The following RNGTT variants were observed in gnomAD, a reference collection of about 807,000 sequenced individuals.
The protein encoded by RNGTT is RNA guanylyltransferase and 5'-phosphatase, also known as mRNA-capping enzyme.
RNGTT carries 33 observed loss-of-function variants against 79.3 expected under a neutral mutation model. The observed-to-expected ratio is 0.42, with a 90% CI of 0.32 to 0.56. The LOEUF is 0.56. Among genes scored for constraint, RNGTT ranks in the 20% least tolerant of loss-of-function variants. The pLI is 0.17. For synonymous variants in RNGTT, 222 were observed against 235.9 expected (o/e 0.94, Z 0.54); for missense variants, 497 against 739.1 (o/e 0.67, Z 3.80).
chr6:88,804,457 A>G (rs1234058253), intron 11 of RNGTT, among the ~76,000 whole-genome samples: 4 of 152,220 alleles, frequency 2.6e-5, no homozygotes, highest in African/African-American at 9.7e-5. Flanking sequence ...AACCTGGCCA[A>G]CACAGCAAGA....
At chr6:88,754,743 C>T (rs1315253032) in intron 13 of RNGTT, among the ~76,000 whole-genome samples, 3 of 152,174 alleles carry the variant, frequency 2.0e-5, no homozygotes, top group South Asian at 2.1e-4. Context: ...CACTTAAAGG[C>T]GTTCTTAAAC....
At chr6:88,909,733 G>A (rs1392022497) in intron 4 of RNGTT, among the ~76,000 whole-genome samples, 2 of 152,144 alleles carry the variant, frequency 1.3e-5, no homozygotes, top group Admixed American at 6.5e-5. Context: ...GGGAGCATGC[G>A]CAGCTGTGTA....
intron 13 of RNGTT, among the ~76,000 whole-genome samples, chr6:88,768,142 G>A (rs531115290): frequency 7.0e-6 from 1 of 142,370 alleles, no homozygotes; most frequent in African/African-American, 2.9e-5. Context: ...TAGGGATAGT[G>A]TGTGTGTGTG....
intron 13 of RNGTT, among the ~76,000 whole-genome samples, chr6:88,691,178 A>G (rs1775465709): frequency 6.6e-6 from 1 of 152,128 alleles, no homozygotes; most frequent in African/African-American, 2.4e-5. Context: ...CATAATAGTG[A>G]ATGAGTTCTC....
chr6:88,747,287 G>T (rs548600384), intron 13 of RNGTT, among the ~76,000 whole-genome samples: 1 of 152,204 alleles, frequency 6.6e-6, no homozygotes, highest in African/African-American at 2.4e-5. Flanking sequence ...ATCTCAAATG[G>T]CTGTGAACAA....
At chr6:88,696,703 C>T (rs1481562876) in intron 13 of RNGTT, among the ~76,000 whole-genome samples, 1 of 151,934 alleles carries the variant, frequency 6.6e-6, no homozygotes, top group Non-Finnish European at 1.5e-5. Flanking sequence ...TTGGGAAATT[C>T]TGAATCTTAC....
chr6:88,758,638 C>T (rs1778101985), intron 13 of RNGTT, among the ~76,000 whole-genome samples: 1 of 152,136 alleles, frequency 6.6e-6, no homozygotes, highest in South Asian at 2.1e-4. Flanking sequence ...AGTCAGAATG[C>T]TAGGTATAGT....
At chr6:88,926,867 G>A (rs1784335349) in intron 4 of RNGTT, among the ~76,000 whole-genome samples, 1 of 152,190 alleles carries the variant, frequency 6.6e-6, no homozygotes, top group Non-Finnish European at 1.5e-5. Flanking sequence ...ATATGTGATA[G>A]CCAATATTGT....
chr6:88,692,244 C>CAAGCCTATACACCCTAAAATATTT (rs1775508405), intron 13 of RNGTT, among the ~76,000 whole-genome samples: 2 of 152,108 alleles, frequency 1.3e-5, no homozygotes, highest in South Asian at 4.1e-4. Context: ...AAGAAGAATG[C>CAAGCCTATACACCCTAAAATATTT]AAGCCTATAC....
intron 2 of RNGTT, among the ~76,000 whole-genome samples, chr6:88,929,807 T>C (rs1784428753): frequency 6.6e-6 from 1 of 151,368 alleles, no homozygotes; most frequent in Non-Finnish European, 1.5e-5. Flanking sequence ...ATGATGTGTA[T>C]ATATATATAC....
chr6:88,869,099 G>A (rs1277375471), intron 8 of RNGTT, among the ~76,000 whole-genome samples: 1 of 152,164 alleles, frequency 6.6e-6, no homozygotes, highest in Non-Finnish European at 1.5e-5. Flanking sequence ...ACAACATGAT[G>A]ATGCTTGATT....
chr6:88,725,831 G>A (rs999673220), intron 13 of RNGTT, among the ~76,000 whole-genome samples: 1 of 152,170 alleles, frequency 6.6e-6, no homozygotes, highest in African/African-American at 2.4e-5. Context: ...AGGGGAAGGA[G>A]AGGGGAGAAC....
Position 88,622,597 on chromosome 6 carries a change from C to T in RNGTT, c.1507-8202G>A, listed in dbSNP as rs139424474. ...ACAAAATCTGGTTTTCCTCCTCTAT[C>T]CTTTGCTACTCCTTCTCAGGCTTCT... On this transcript the variant is annotated intron_variant, in intron 14 of 15. Transcript: ENST00000369485. 1.1e-3 allele frequency among the ~76,000 whole-genome samples: 161 copies of T among 152,232 alleles called. 1 individual carries two copies. Among genetic ancestry groups the T allele is most frequent in the African/African-American group, 3.5e-3 (145 of 41,562 alleles).
chr6:88,877,066 G>A (rs982421777), intron 8 of RNGTT, among the ~76,000 whole-genome samples: 5 of 152,166 alleles, frequency 3.3e-5, no homozygotes, highest in African/African-American at 1.2e-4. Flanking sequence ...TAACCAATGG[G>A]TATTTCAAAG....
intron 2 of RNGTT, among the ~76,000 whole-genome samples, chr6:88,934,316 A>G (rs950496755): frequency 7.9e-5 from 12 of 152,142 alleles, no homozygotes; most frequent in African/African-American, 2.9e-4. Flanking sequence ...GATTACAGAC[A>G]TGAGCCACTG....
chr6:88,845,622 C>G (rs1038514081), intron 10 of RNGTT, among the ~76,000 whole-genome samples: 2 of 152,146 alleles, frequency 1.3e-5, no homozygotes, highest in Non-Finnish European at 2.9e-5. Flanking sequence ...AACATTTACT[C>G]AACCTAATGT....
Position 88,800,896 on chromosome 6 carries a change from C to A in RNGTT, c.1338+668G>T, listed in dbSNP as rs969668368. 1.1e-4 allele frequency among the ~76,000 whole-genome samples: 16 copies of A among 152,326 alleles called. No homozygotes were observed. The East Asian group carries it at 3.1e-3, about 29-fold the overall frequency. ...CTCCTGGCATCTATACTCCTGGCAT[C>A]TAGTGAGTAGAGACCACAGATGCTG... On this transcript the variant is annotated intron_variant, in intron 12 of 15. Transcript: ENST00000369485.
At chr6:88,875,761 A>G (rs1470172957) in intron 8 of RNGTT, among the ~76,000 whole-genome samples, 1 of 152,238 alleles carries the variant, frequency 6.6e-6, no homozygotes, top group African/African-American at 2.4e-5. Flanking sequence ...GCTATAGCCA[A>G]AATACAGAAT....
Position 88,757,231 on chromosome 6 carries a change from T to C in RNGTT, c.1439+12543A>G, listed in dbSNP as rs181131589. 4.3e-3 allele frequency among the ~76,000 whole-genome samples: 651 copies of C among 152,220 alleles called. 2 individuals are homozygous for C. The highest frequency in any genetic ancestry group is 6.1e-3 in the Non-Finnish European group (414 of 68,012). On this transcript the variant is annotated intron_variant, in intron 13 of 15. Transcript: ENST00000369485. ...CACAGTGAAACAAAAAGGATGGAGA[T>C]ACATGAATGGGAGAAAAGATCCACA...
Sources: allele counts gnomAD v4.1 joint callset (sites outside exome capture counted in the v4.1 genomes callset), GRCh38; gene constraint gnomAD v4.1.1; transcripts MANE v1.5; gene names NCBI Gene and HGNC (gene_info 2026-07-23, HGNC 2026-07-21).